The following ACACA variants were observed in gnomAD, a reference collection of about 807,000 sequenced individuals.
ACACA encodes the protein acetyl-CoA carboxylase alpha, also known as acetyl-CoA carboxylase 1.
Under a neutral mutation model 296.1 loss-of-function variants are expected in ACACA, and 103 were observed. The ratio of observed to expected loss-of-function variants is 0.35; its 90% CI spans 0.30 to 0.41. The LOEUF (loss-of-function observed/expected upper bound fraction) is 0.41, where lower values mean the gene tolerates loss of function less well. Among genes scored for constraint, ACACA ranks in the 10% least tolerant of loss-of-function variants. ACACA has a pLI of 1.00. For synonymous variants in ACACA, 953 were observed against 1,038.6 expected (o/e 0.92, Z 1.58); for missense variants, 1,554 against 2,989.7 (o/e 0.52, Z 11.20).
In ACACA at chr17:37,276,009, A is replaced by G; in HGVS notation, c.843T>C (p.Ile281=). Residue 281 remains isoleucine, a synonymous_variant, in exon 8 of 56, where the codon ATT becomes ATC. Coordinates refer to ENST00000616317, the MANE Select transcript of ACACA (RefSeq NM_198834.3). ...CAGTTTGAGCCACTATGGAAGATGC[A>G]ATCTTATCCCCTAAAGCCCACATGG... ...SQAMWALGDK[I]ASSIVAQTAG... is the part of the protein sequence containing the mutation. 6.2e-7 allele frequency: 1 copy of G among 1,614,230 alleles called. No individual in the cohort carries two copies. Among genetic ancestry groups the G allele is most frequent in the Non-Finnish European group, 8.5e-7 (1 of 1,180,028 alleles).
chr17:37,135,480 A>C (rs933202496), intron 45 of ACACA, among the ~76,000 whole-genome samples: 4 of 152,184 alleles, frequency 2.6e-5, no homozygotes, highest in Non-Finnish European at 5.9e-5. Flanking sequence ...ACCATTTGCT[A>C]TAAGACCAAA....
At chr17:37,205,674 A>G in intron 33 of ACACA, 91 bp downstream of exon 33, 1 of 999,562 alleles carries the variant, frequency 1.0e-6, no homozygotes, top group Non-Finnish European at 1.6e-6. Context: ...TAAAAGACAT[A>G]GCCATAAACT....
intron 10 of ACACA, 103 bp downstream of exon 10, chr17:37,270,648 A>T (rs955887159): frequency 4.6e-5 from 42 of 908,302 alleles, no homozygotes; most frequent in Non-Finnish European, 6.8e-5. Flanking sequence ...AGACAAAATT[A>T]AAAATTAAAT....
chr17:37,294,859 G>A (rs2083253489), intron 3 of ACACA, among the ~76,000 whole-genome samples: 1 of 152,208 alleles, frequency 6.6e-6, no homozygotes, highest in Non-Finnish European at 1.5e-5. Flanking sequence ...CCTTAGGTGG[G>A]CACTGGTGCT....
At chr17:37,165,618 C>CCAG (rs2076635126) in intron 41 of ACACA, among the ~76,000 whole-genome samples, 1 of 152,064 alleles carries the variant, frequency 6.6e-6, no homozygotes, top group African/African-American at 2.4e-5. Flanking sequence ...AAAGCTTCTC[C>CCAG]CAGCCTAAAG....
chr17:37,388,241 T>G (rs1258110355), intron 1 of ACACA, among the ~76,000 whole-genome samples: 1 of 152,152 alleles, frequency 6.6e-6, no homozygotes, highest in African/African-American at 2.4e-5. Flanking sequence ...TCCTCTTATA[T>G]TCTATGAAAG....
chr17:37,171,149 A>G (rs1296177103), intron 41 of ACACA, among the ~76,000 whole-genome samples: 4 of 152,162 alleles, frequency 2.6e-5, no homozygotes, highest in African/African-American at 9.7e-5. Flanking sequence ...GCCTTGCTAT[A>G]TTCATGCTAA....
At position 37,210,751 on chromosome 17, in the gene ACACA, CAAAAAAAA is replaced by C. The variant is rs57591064; in HGVS notation, c.3684-269_3684-262del. On this transcript the variant is annotated intron_variant, in intron 29 of 55. Transcript: ENST00000616317. The stretch of plus-strand genomic sequence containing the variant: ...TGGATTTTAAAAATAGCTCTATTAC[CAAAAAAAA>C]AAAAAAAAAAAAAAAAAATTTAGAG... Among the ~76,000 whole-genome samples, 456 of 72,428 alleles carry C rather than the reference CAAAAAAAA, an allele frequency of 6.3e-3. 2 individuals are homozygous for C. Among genetic ancestry groups the C allele is most frequent in the South Asian group, 0.029 (68 of 2,352 alleles). The allele number at this position is 72,428 out of a possible 152,430, so 47.5% of individuals were successfully genotyped here.
intron 41 of ACACA, among the ~76,000 whole-genome samples, chr17:37,165,325 T>C (rs187593637): frequency 7.9e-5 from 12 of 152,316 alleles, no homozygotes; most frequent in Admixed American, 6.5e-4. Flanking sequence ...AAGGTGAACA[T>C]GGGCTTTGGA....
intron 1 of ACACA, chr17:37,365,351 A>G: frequency 1.4e-6 from 1 of 694,194 alleles, no homozygotes; most frequent in Non-Finnish European, 1.8e-6. Context: ...CATCTCTTAT[A>G]GTTTGCTACC....
intron 41 of ACACA, among the ~76,000 whole-genome samples, chr17:37,178,002 C>A (rs572627520): frequency 6.6e-6 from 1 of 152,214 alleles, no homozygotes; most frequent in Admixed American, 6.5e-5. Context: ...AAACAAACTG[C>A]TTATTATTTC....
chr17:37,127,835 T>G (rs1372904368), intron 47 of ACACA, among the ~76,000 whole-genome samples: 1 of 96,864 alleles, frequency 1.0e-5, no homozygotes, highest in Non-Finnish European at 2.0e-5. Context: ...AGAGTGAGAC[T>G]CCGCCTCAAA....
intron 3 of ACACA, among the ~76,000 whole-genome samples, chr17:37,312,430 T>C (rs1025190143): frequency 2.6e-5 from 4 of 152,174 alleles, no homozygotes; most frequent in African/African-American, 9.7e-5. Context: ...GCCTGTATCC[T>C]CCTCTTCTGG....
chr17:37,313,069 T>C (rs2046925165), intron 3 of ACACA, among the ~76,000 whole-genome samples: 4 of 152,184 alleles, frequency 2.6e-5, no homozygotes, highest in African/African-American at 9.7e-5. Flanking sequence ...ATGACTATCA[T>C]TAGATTTTAC....
intron 24 of ACACA, among the ~76,000 whole-genome samples, chr17:37,237,939 T>C (rs889733258): frequency 3.9e-5 from 6 of 152,282 alleles, no homozygotes; most frequent in Admixed American, 3.3e-4. Context: ...TTTTTGTATT[T>C]TTTTAGAGAC....
At position 37,149,765 on chromosome 17, in the gene ACACA, G is replaced by A. The variant is rs138290672; in HGVS notation, c.5679+99C>T. On this transcript the variant is annotated intron_variant, in intron 45 of 55. Coordinates refer to ENST00000616317, the MANE Select transcript of ACACA (RefSeq NM_198834.3). ...GGAAGAGATAGACTGAGGAAGGCAC[G>A]GATTGAACTGCTTCCTTCCAATCAG... The A allele has an allele frequency of 1.7e-4, 182 of 1,049,714 alleles. No homozygotes were observed. The African/African-American group carries it at 2.2e-3, about 13-fold the overall frequency. The allele number at this position is 1,049,714 out of a possible 1,614,324, so 65.0% of individuals were successfully genotyped here. A position where few individuals can be genotyped will look rare whatever the true frequency, so the allele number is the denominator to read the frequency against.
chr17:37,179,452 T>C, intron 40 of ACACA, 46 bp from the exon 41 acceptor site: 3 of 1,599,784 alleles, frequency 1.9e-6, no homozygotes, highest in Non-Finnish European at 2.6e-6. Context: ...ATAATTTCAA[T>C]ATAGACAAAA....
intron 39 of ACACA, among the ~76,000 whole-genome samples, chr17:37,186,437 T>C (rs1275765369): frequency 6.6e-6 from 1 of 152,186 alleles, no homozygotes; most frequent in Non-Finnish European, 1.5e-5. Context: ...AGTCAATCAA[T>C]ATTAAATTAA....
intron 33 of ACACA, among the ~76,000 whole-genome samples, 186 bp from the exon 34 acceptor site, chr17:37,200,669 C>T (rs774868356): frequency 8.6e-5 from 13 of 151,984 alleles, no homozygotes; most frequent in Non-Finnish European, 1.3e-4. Flanking sequence ...CTAAGTCTTA[C>T]GAAATAAATT....
Sources: allele counts gnomAD v4.1 joint callset (sites outside exome capture counted in the v4.1 genomes callset), GRCh38; gene constraint gnomAD v4.1.1; transcripts MANE v1.5; gene names NCBI Gene and HGNC (gene_info 2026-07-23, HGNC 2026-07-21).